Variants in USH2A observed in about 807,000 individuals in gnomAD.
The protein encoded by USH2A is Usher syndrome 2A (autosomal recessive, mild).
Under a neutral mutation model 538.9 loss-of-function variants are expected in USH2A, and 443 were observed. The observed-to-expected ratio is 0.82, with a 90% CI of 0.76 to 0.89. The LOEUF (loss-of-function observed/expected upper bound fraction) is 0.89. USH2A is among the 40% of genes least tolerant of loss of function. USH2A has a pLI of 0.00. For synonymous variants in USH2A, 2,413 were observed against 2,273.5 expected (o/e 1.06, Z -1.75); for missense variants, 6,633 against 6,324.8 (o/e 1.05, Z -1.65).
intron 32 of USH2A, 53 bp downstream of exon 32, chr1:216,046,377 GT>G: frequency 6.2e-7 from 1 of 1,605,902 alleles, no homozygotes; most frequent in South Asian, 1.1e-5. Flanking sequence ...CTATATGTAT[GT>G]TTATATTTGA....
rs766415683 is a variant in USH2A, at chr1:215,758,588, T to A, written c.11389+7A>T. The A allele has an allele frequency of 6.8e-6, 11 of 1,611,732 alleles. No homozygotes were observed. The highest frequency in any genetic ancestry group is 9.3e-6 in the Non-Finnish European group (11 of 1,179,136). ...CACACACACACATACTTCTTTTTTT[T>A]TTTTACCTGGTGGTATCCAAGCTAC... On this transcript the variant is annotated splice_region_variant and intron_variant, in intron 58 of 71. Transcript: ENST00000307340.
chr1:215,912,497 A>ATATACG (rs1665827469), intron 38 of USH2A, among the ~76,000 whole-genome samples: 1 of 23,072 alleles, frequency 4.3e-5, no homozygotes, highest in South Asian at 1.3e-3. Context: ...ATATGTGTAT[A>ATATACG]TATATATATA....
chr1:216,342,025 A>G (rs1321939970), intron 4 of USH2A, among the ~76,000 whole-genome samples: 1 of 152,190 alleles, frequency 6.6e-6, no homozygotes, highest in African/African-American at 2.4e-5. Flanking sequence ...GAGCTTTTGT[A>G]CAACAGAAGA....
intron 5 of USH2A, 82 bp downstream of exon 5, chr1:216,327,509 T>C (rs980091986): frequency 2.0e-6 from 3 of 1,493,754 alleles, no homozygotes; most frequent in African/African-American, 2.8e-5. Context: ...AAAAATGGTA[T>C]AATCTACATA....
In USH2A at chr1:216,077,563, CATTATATATATA is replaced by C. The variant is rs993238285; in HGVS notation, c.5572+514_5572+525del. Among the ~76,000 whole-genome samples the C allele has an allele frequency of 5.4e-5, 8 of 148,860 alleles. No homozygotes were observed. The South Asian group carries it at 8.4e-4, about 16-fold the overall frequency. On this transcript the variant is annotated intron_variant, in intron 27 of 71. Coordinates refer to ENST00000307340, the MANE Select transcript of USH2A (RefSeq NM_206933.4). Reference sequence around the variant, plus strand: ...ACATATGAGGAAATACATTTATATGCATTATATATATAATTATATATATAATTATGTATGTAC... The same window carrying C: ...ACATATGAGGAAATACATTTATATGCATTATATATATAATTATGTATGTAC...
intron 67 of USH2A, among the ~76,000 whole-genome samples, chr1:215,646,528 AT>A (rs1656857332): frequency 6.6e-6 from 1 of 151,646 alleles, no homozygotes; most frequent in Non-Finnish European, 1.5e-5. Context: ...CATCTCTTAC[AT>A]TTTTTGTTTT....
chr1:215,955,768 C>T (rs1164751505), intron 37 of USH2A, among the ~76,000 whole-genome samples: 2 of 152,032 alleles, frequency 1.3e-5, no homozygotes, highest in South Asian at 4.1e-4. Flanking sequence ...GAATTTCACA[C>T]AAAAATTTGG....
chr1:216,086,837 G>T lies in USH2A; in HGVS notation c.4886-17C>A. On this transcript the variant is annotated splice_polypyrimidine_tract_variant and intron_variant, in intron 23 of 71. Transcript: ENST00000307340. ...CAGAGGAACCTAGAGAAGAGGAGAT[G>T]AGAAATACACCTTCACCAGGATACT... The T allele has an allele frequency of 6.4e-7, 1 of 1,572,990 alleles. No homozygotes were observed. The highest frequency in any genetic ancestry group is 1.1e-5 in the South Asian group (1 of 90,130).
intron 60 of USH2A, among the ~76,000 whole-genome samples, chr1:215,738,782 A>G (rs1660223289): frequency 6.6e-6 from 1 of 152,116 alleles, no homozygotes; most frequent in African/African-American, 2.4e-5. Flanking sequence ...AGCTAAATGT[A>G]CTTCCTTTGG....
intron 12 of USH2A, among the ~76,000 whole-genome samples, chr1:216,249,067 G>A (rs1201998966): frequency 1.3e-5 from 2 of 151,730 alleles, no homozygotes; most frequent in African/African-American, 4.8e-5. Context: ...TGTATTTTCT[G>A]GGCTTCTTTT....
At chr1:216,400,299 G>C (rs2039284639) in intron 3 of USH2A, among the ~76,000 whole-genome samples, 1 of 151,250 alleles carries the variant, frequency 6.6e-6, no homozygotes, top group Non-Finnish European at 1.5e-5. Flanking sequence ...ACTCAAACTT[G>C]CTATATGGGT....
rs763901367 is a variant in USH2A at position 215,888,828 on chromosome 1, T to A, written c.7821A>T (p.Gly2607=). 6.2e-7 allele frequency: 1 copy of A among 1,614,148 alleles called. No individual in the cohort carries two copies. Among genetic ancestry groups the A allele is most frequent in the Non-Finnish European group, 8.5e-7 (1 of 1,180,000 alleles). ...TCTGGGACTCTGGTGAAAGGGAACATCCTTTTGAAGTGCAGGCTTCTACCT... is the reference window on the plus strand; with the variant it reads ...TCTGGGACTCTGGTGAAAGGGAACAACCTTTTGAAGTGCAGGCTTCTACCT... ...KFQVEACTSK[G]CSLSPESQTV... The change falls in exon 41 of 72, where the codon GGA becomes GGT. Residue 2607 remains glycine (G), a synonymous_variant. Transcript: ENST00000307340.
chr1:215,785,702 T>C (rs192636326), intron 52 of USH2A, among the ~76,000 whole-genome samples: 117 of 152,260 alleles, frequency 7.7e-4, no homozygotes, highest in African/African-American at 2.8e-3. Context: ...TAAATAATGT[T>C]CAATCAACCT....
At position 215,628,873 on chromosome 1, in the gene USH2A, T is replaced by G; in HGVS notation, c.15460A>C (p.Lys5154Gln). The stretch of plus-strand genomic sequence containing the variant: ...AGTGAGTTGTCCATCAAGACTTTCT[T>G]GTCTTGAATGTCCATGAGCTGGCTG... ...SVSQLMDIQD[K>Q]KVLMDNSLWE... Residue 5154 changes from lysine (K) to glutamine (Q), a missense_variant, in exon 71 of 72, where the codon AAG becomes CAG. Physicochemically the swap from Lys to Gln is moderately conservative, Grantham distance 53. Transcript: ENST00000307340. 6.2e-7 allele frequency: 1 copy of G among 1,614,154 alleles called. No individual in the cohort carries two copies. The highest frequency in any genetic ancestry group is 8.5e-7 in the Non-Finnish European group (1 of 1,180,042).
intron 30 of USH2A, among the ~76,000 whole-genome samples, chr1:216,055,527 A>T (rs1380620119): frequency 6.6e-6 from 1 of 152,240 alleles, no homozygotes; most frequent in Non-Finnish European, 1.5e-5. Flanking sequence ...CCAATATGCC[A>T]TGCTTCCTGA....
chr1:215,871,946 G>A (rs1173598858), intron 43 of USH2A, among the ~76,000 whole-genome samples: 1 of 152,132 alleles, frequency 6.6e-6, no homozygotes, highest in Non-Finnish European at 1.5e-5. Context: ...AATTCTTCAG[G>A]GCAGCTGCAG....
chr1:215,927,554 A>G (rs377344012), intron 38 of USH2A, among the ~76,000 whole-genome samples: 1 of 152,106 alleles, frequency 6.6e-6, no homozygotes. Context: ...TTTTCAGTTA[A>G]GTGTTCAACC....
chr1:215,894,799 C>G (rs1021392706), intron 40 of USH2A, among the ~76,000 whole-genome samples: 1 of 152,166 alleles, frequency 6.6e-6, no homozygotes, highest in Non-Finnish European at 1.5e-5. Flanking sequence ...CTGGAACGAC[C>G]GACAGGACAA....
chr1:216,382,126 C>T (rs527797900), intron 3 of USH2A, among the ~76,000 whole-genome samples: 121 of 152,188 alleles, frequency 8.0e-4, no homozygotes, highest in African/African-American at 2.3e-3. Context: ...AACATGATGC[C>T]GAGCCCTGAA....
Sources: gnomAD v4.1 joint callset for allele counts (sites outside exome capture counted in the v4.1 genomes callset) on GRCh38, gnomAD v4.1.1 for gene constraint, MANE v1.5 for transcripts, NCBI Gene and HGNC (gene_info 2026-07-23, HGNC 2026-07-21) for gene names.